Variants in SH3BP4 observed in about 807,000 individuals in gnomAD.
SH3BP4 encodes SH3 domain-binding protein 4.
A neutral mutation model predicts 65.5 loss-of-function variants in SH3BP4; 33 were observed. The observed-to-expected ratio is 0.50, with a 90% CI of 0.38 to 0.67. The LOEUF (loss-of-function observed/expected upper bound fraction) is 0.67, where lower values mean the gene tolerates loss of function less well. Among genes scored for constraint, SH3BP4 ranks in the 30% least tolerant of loss-of-function variants. SH3BP4 has a pLI of 0.00. For synonymous variants in SH3BP4, 552 were observed against 545.5 expected, an observed-to-expected ratio of 1.01 and a Z score of -0.17; for missense variants, 1,134 against 1,261.4, an observed-to-expected ratio of 0.90 and a Z score of 1.53.
chr2:235,042,247 C>T lies in SH3BP4; in HGVS notation c.1478C>T (p.Thr493Ile). Residue 493 changes from threonine (T) to isoleucine (I), a missense_variant, in exon 4 of 6, where the codon ACC becomes ATC. Thr to Ile is a moderately conservative substitution (Grantham distance 89). Transcript: ENST00000392011. This position sits in a 1 kb window ranked among gnomAD's most constrained non-coding sequence, Gnocchi z 7.3. ...HIHPSFKTVVTIFGHDCAPKT... is the reference protein window; with the variant it reads ...HIHPSFKTVVIIFGHDCAPKT... Reference sequence around the variant, plus strand: ...CACCCATCCTTCAAGACGGTAGTGACCATTTTTGGGCATGACTGTGCCCCA... The same window carrying T: ...CACCCATCCTTCAAGACGGTAGTGATCATTTTTGGGCATGACTGTGCCCCA... 6.2e-7 allele frequency: 1 copy of T among 1,614,092 alleles called. No individual in the cohort carries two copies. The highest frequency in any genetic ancestry group is 8.5e-7 in the Non-Finnish European group (1 of 1,180,028).
At position 235,016,132 on chromosome 2, in the gene SH3BP4, TG is replaced by T. The variant is rs202211266; in HGVS notation, c.-132-18733del. Among the ~76,000 whole-genome samples the T allele has an allele frequency of 2.8e-3, 199 of 70,744 alleles. 2 individuals are homozygous for T. In the East Asian group the frequency reaches 0.058, roughly 21 times the overall value. 46.4% of individuals were successfully genotyped at this position (70,744 alleles called of 152,430 possible). On this transcript the variant is annotated intron_variant, in intron 2 of 5. Transcript: ENST00000392011. Reference sequence around the variant, plus strand: ...CATCTTTAGATGTCACAGCAAGGGGTGGGGGGTGGGGGGAGGAGAAGTGAGG... The same window carrying T: ...CATCTTTAGATGTCACAGCAAGGGGTGGGGGTGGGGGGAGGAGAAGTGAGG...
At chr2:234,970,769 G>A (rs994989250) in intron 1 of SH3BP4, among the ~76,000 whole-genome samples, 4 of 151,972 alleles carry the variant, frequency 2.6e-5, no homozygotes, top group African/African-American at 9.7e-5. Context: ...TTTATGTGTC[G>A]TTTTCTTTTT....
chr2:234,955,192 CTAAA>C (rs1466173908), intron 1 of SH3BP4, among the ~76,000 whole-genome samples: 1 of 152,094 alleles, frequency 6.6e-6, no homozygotes, highest in East Asian at 1.9e-4. Flanking sequence ...TCACCGATCA[CTAAA>C]TAGAGTTCTC....
At chr2:235,025,707 G>A (rs538026697) in intron 2 of SH3BP4, among the ~76,000 whole-genome samples, 6 of 152,346 alleles carry the variant, frequency 3.9e-5, no homozygotes, top group South Asian at 2.1e-4. Flanking sequence ...TGAACAGTGC[G>A]ATGCCTGGGA....
At chr2:235,048,295 C>G (rs756654923) in intron 4 of SH3BP4, among the ~76,000 whole-genome samples, 3 of 152,138 alleles carry the variant, frequency 2.0e-5, no homozygotes, top group Non-Finnish European at 4.4e-5. Context: ...AGCAAAAAAG[C>G]CTAAATTGTA....
intron 1 of SH3BP4, among the ~76,000 whole-genome samples, chr2:234,989,346 C>T (rs1693679229): frequency 1.3e-5 from 2 of 152,160 alleles, no homozygotes; most frequent in Non-Finnish European, 2.9e-5. Context: ...GGATGTTGGG[C>T]CCGTTCCCGT....
intron 1 of SH3BP4, among the ~76,000 whole-genome samples, chr2:234,955,738 G>T (rs1180661833): frequency 6.6e-6 from 1 of 152,142 alleles, no homozygotes; most frequent in Non-Finnish European, 1.5e-5. Flanking sequence ...TCTAATTTAA[G>T]GTTTGGGGTA....
At chr2:234,957,613 C>G (rs536394281) in intron 1 of SH3BP4, among the ~76,000 whole-genome samples, 2 of 151,812 alleles carry the variant, frequency 1.3e-5, no homozygotes, top group African/African-American at 4.8e-5. Flanking sequence ...TTAAAATCAC[C>G]CGGGAGCTTA....
chr2:234,970,350 C>T (rs1018056971), intron 1 of SH3BP4, among the ~76,000 whole-genome samples: 11 of 152,208 alleles, frequency 7.2e-5, no homozygotes, highest in African/African-American at 1.9e-4. Context: ...AAAGATACTG[C>T]TCAGGTCCTT....
intron 2 of SH3BP4, among the ~76,000 whole-genome samples, chr2:234,999,023 C>T (rs1428654212): frequency 2.0e-5 from 3 of 152,194 alleles, no homozygotes; most frequent in Non-Finnish European, 2.9e-5. Context: ...TGCTCAGCGT[C>T]TCTCCAAGCC....
rs1693177879 is a variant in SH3BP4, at chr2:234,976,728, A to G, written c.-206-18575A>G. 6.9e-6 allele frequency among the ~76,000 whole-genome samples: 1 copy of G among 145,092 alleles called. No individual in the cohort carries two copies. ...CCTCTGGTCTTCCTCTCAGTAACAC[A>G]CAACCCAGTCTAACTGGGAGAAAAA... On this transcript the variant is annotated intron_variant, in intron 1 of 5. Coordinates refer to ENST00000392011, the MANE Select transcript of SH3BP4 (RefSeq NM_014521.3). This position sits in a 1 kb window ranked among gnomAD's most constrained non-coding sequence, Gnocchi z 4.7.
intron 5 of SH3BP4, among the ~76,000 whole-genome samples, chr2:235,053,388 A>G (rs532672001): frequency 6.6e-6 from 1 of 152,294 alleles, no homozygotes; most frequent in African/African-American, 2.4e-5. Flanking sequence ...CTCTTGCACA[A>G]AGCCCTGCTT....
chr2:234,965,388 C>CT (rs1692811251), intron 1 of SH3BP4, among the ~76,000 whole-genome samples: 1 of 152,238 alleles, frequency 6.6e-6, no homozygotes, highest in Non-Finnish European at 1.5e-5. Flanking sequence ...CTGACAGCCA[C>CT]TGTCTCTGCA....
chr2:235,000,790 C>T lies in SH3BP4; in HGVS notation c.-133+5414C>T, dbSNP rs114960001. ...CCAGGGACTTGTGCCGGGTCCTACC[C>T]GCTATCTGGTGCCCCACACACTGGG... On this transcript the variant is annotated intron_variant, in intron 2 of 5. Coordinates refer to ENST00000392011, the MANE Select transcript of SH3BP4 (RefSeq NM_014521.3). Among the ~76,000 whole-genome samples, 1,156 of 152,322 alleles carry T rather than the reference C, an allele frequency of 7.6e-3. 23 individuals carry two copies. Among genetic ancestry groups the T allele is most frequent in the African/African-American group, 0.026 (1,083 of 41,556 alleles).
At chr2:234,990,398 G>A (rs918372441) in intron 1 of SH3BP4, among the ~76,000 whole-genome samples, 2 of 152,212 alleles carry the variant, frequency 1.3e-5, no homozygotes, top group Non-Finnish European at 2.9e-5. Flanking sequence ...ACGTTTTCCA[G>A]TTTACTCAAC....
Position 234,997,769 on chromosome 2 carries a change from T to TCTCAGAGTA in SH3BP4, c.-133+2400_-133+2408dup. Among the ~76,000 whole-genome samples, 1 of 152,140 alleles carries TCTCAGAGTA rather than the reference T, an allele frequency of 6.6e-6. No individual in the cohort carries two copies. The highest frequency in any genetic ancestry group is 1.5e-5 in the Non-Finnish European group (1 of 68,020). ...GCCTGTTTCACAGATGAGAAACTCA[T>TCTCAGAGTA]CTCAGAGTACTCAGAAACCCAGAAT... On this transcript the variant is annotated intron_variant, in intron 2 of 5. Transcript: ENST00000392011. This position sits in a 1 kb window ranked among gnomAD's most constrained non-coding sequence, Gnocchi z 4.2.
At chr2:235,039,079 C>T (rs1327892652) in intron 3 of SH3BP4, among the ~76,000 whole-genome samples, 4 of 152,106 alleles carry the variant, frequency 2.6e-5, no homozygotes, top group Non-Finnish European at 5.9e-5. Context: ...TGAGTGGAGT[C>T]TTAGGCTCTG....
rs1695733941 is a variant in SH3BP4 at position 235,043,147 on chromosome 2, G to A, written c.2378G>A (p.Ser793Asn). 9 of 1,613,084 alleles carry A rather than the reference G, an allele frequency of 5.6e-6. No homozygotes were observed. The highest frequency in any genetic ancestry group is 7.6e-6 in the Non-Finnish European group (9 of 1,179,568). ...LTFFCRAELD[S>N]EPERVASVLE... ...TTTTTCTGCCGGGCAGAGCTGGATA[G>A]TGAGCCCGAGCGGGTGGCGTCCGTC... The change falls in exon 4 of 6, where the codon AGT becomes AAT. Residue 793 changes from serine (S) to asparagine (N), a missense_variant. Coordinates refer to ENST00000392011, the MANE Select transcript of SH3BP4 (RefSeq NM_014521.3).
intron 2 of SH3BP4, among the ~76,000 whole-genome samples, chr2:234,998,096 C>G (rs139703084): frequency 0.029 from 4,372 of 152,030 alleles, 204 homozygotes; most frequent in African/African-American, 0.099. Context: ...GCACTCCAGC[C>G]TGGGCGACAG....
Sources: allele counts gnomAD v4.1 joint callset (sites outside exome capture counted in the v4.1 genomes callset), GRCh38; gene constraint gnomAD v4.1.1; non-coding constraint Gnocchi (gnomAD v3.1); transcripts MANE v1.5; gene names NCBI Gene and HGNC (gene_info 2026-07-23, HGNC 2026-07-21).